Variants in ADGRD1 observed in about 807,000 individuals in gnomAD.
The protein encoded by ADGRD1 is G-protein coupled receptor 133.
ADGRD1 carries 77 observed loss-of-function variants against 113.4 expected under a neutral mutation model. The ratio of observed to expected loss-of-function variants is 0.68; its 90% CI spans 0.57 to 0.82. The LOEUF (loss-of-function observed/expected upper bound fraction) is 0.82. ADGRD1 is among the 40% of genes least tolerant of loss of function. The pLI is 0.00. For missense variants in ADGRD1, 1,036 were observed against 1,139.1 expected (o/e 0.91, Z 1.30); for synonymous variants, 474 against 475.0 (o/e 1.00, Z 0.03).
rs1366988847 is a variant in ADGRD1, at chr12:131,075,133, A to C, written c.1474-1668A>C. 1.3e-5 allele frequency among the ~76,000 whole-genome samples: 2 copies of C among 152,078 alleles called. No homozygotes were observed. The highest frequency in any genetic ancestry group is 4.8e-5 in the African/African-American group (2 of 41,414). On this transcript the variant is annotated intron_variant, in intron 13 of 24. Transcript: ENST00000261654. The surrounding 1 kb of genome is among the most constrained non-coding windows in gnomAD (Gnocchi z 5.3). ...GGCTGCTGGCTTCCCCAGGTCACCG[A>C]CTTATTTTTTAAATTTCCTTTAAAT...
intron 5 of ADGRD1, among the ~76,000 whole-genome samples, chr12:130,982,899 A>C (rs1011971059): frequency 6.6e-6 from 1 of 152,188 alleles, no homozygotes. Flanking sequence ...ACTGGAGCCC[A>C]ACAAGGGAAG....
intron 19 of ADGRD1, among the ~76,000 whole-genome samples, chr12:131,120,188 T>C (rs1386500754): frequency 2.0e-5 from 3 of 152,136 alleles, no homozygotes; most frequent in East Asian, 1.9e-4. Context: ...TTAAAGGCAC[T>C]CCAGGTCCTT....
intron 12 of ADGRD1, among the ~76,000 whole-genome samples, chr12:131,012,507 G>C (rs973227693): frequency 1.3e-5 from 2 of 152,154 alleles, no homozygotes; most frequent in Admixed American, 6.5e-5. Flanking sequence ...TCTCTATGGC[G>C]CCATCTTTGT....
intron 13 of ADGRD1, among the ~76,000 whole-genome samples, chr12:131,030,211 G>A (rs12815800): frequency 3.6e-5 from 4 of 109,902 alleles, no homozygotes; most frequent in Non-Finnish European, 7.0e-5. Flanking sequence ...TTGTGGACCC[G>A]TCGTAGGTGA....
chr12:130,997,849 A>G (rs1875799031), intron 8 of ADGRD1, among the ~76,000 whole-genome samples: 1 of 152,308 alleles, frequency 6.6e-6, no homozygotes, highest in Admixed American at 6.5e-5. Context: ...AGGCCAAGGC[A>G]GGCGGCTGGG....
At chr12:131,047,223 G>C (rs894049895) in intron 13 of ADGRD1, among the ~76,000 whole-genome samples, 1 of 152,274 alleles carries the variant, frequency 6.6e-6, no homozygotes, top group African/African-American at 2.4e-5. Flanking sequence ...ATTGAGGGCA[G>C]GGGCGAGTCC....
intron 2 of ADGRD1, among the ~76,000 whole-genome samples, chr12:130,958,873 G>A (rs1365958602): frequency 2.0e-5 from 3 of 152,246 alleles, no homozygotes; most frequent in Non-Finnish European, 4.4e-5. Context: ...TCATCCTTGC[G>A]AGAGCCCTGC....
chr12:130,986,420 G>A (rs1593298554), intron 5 of ADGRD1, among the ~76,000 whole-genome samples: 1 of 152,102 alleles, frequency 6.6e-6, no homozygotes, highest in East Asian at 1.9e-4. Context: ...AATGACAATG[G>A]TAATGTGTTT....
chr12:131,015,317 G>A (rs1248028941), intron 13 of ADGRD1, among the ~76,000 whole-genome samples: 5 of 152,210 alleles, frequency 3.3e-5, no homozygotes, highest in Admixed American at 1.3e-4. Context: ...TGGAGATGGA[G>A]AGGGGACTGG....
rs755095947 is a variant in ADGRD1, at chr12:131,136,042, C to T, written c.2273C>T (p.Thr758Ile). Residue 758 changes from threonine to isoleucine, a missense_variant, in exon 22 of 25, where the codon ACA (threonine) becomes ATA (isoleucine). Transcript: ENST00000261654. Reference sequence around the variant, plus strand: ...CTGTCACTGTTTCTCTCCAGGTTGACAGCCAAGGCAGTGGCCGTGCTGCTG... The same window carrying T: ...CTGTCACTGTTTCTCTCCAGGTTGATAGCCAAGGCAGTGGCCGTGCTGCTG... ...IHGDPSAFKL[T>I]AKAVAVLLPI... 3.4e-5 allele frequency: 55 copies of T among 1,613,962 alleles called. No homozygotes were observed. The highest frequency in any genetic ancestry group is 4.5e-5 in the Non-Finnish European group (53 of 1,179,952).
rs1884254771 is a variant in ADGRD1 at position 131,060,803 on chromosome 12, G to A, written c.1474-15998G>A. ...ATCACTTATGATCTCACTGCCTGGA[G>A]ATCCCATTGCCTGGATTCTCAGGCA... On this transcript the variant is annotated intron_variant, in intron 13 of 24. Transcript: ENST00000261654. The surrounding 1 kb of genome is among the most constrained non-coding windows in gnomAD (Gnocchi z 4.4). Among the ~76,000 whole-genome samples, 1 of 152,078 alleles carries A rather than the reference G, an allele frequency of 6.6e-6. No individual in the cohort carries two copies. Among genetic ancestry groups the A allele is most frequent in the South Asian group, 2.1e-4 (1 of 4,824 alleles).
At chr12:130,997,464 G>A (rs1248019203) in intron 8 of ADGRD1, among the ~76,000 whole-genome samples, 2 of 145,312 alleles carry the variant, frequency 1.4e-5, no homozygotes, top group African/African-American at 2.6e-5. Context: ...GTTGCCAGGC[G>A]GAGGGTCTCC....
intron 15 of ADGRD1, among the ~76,000 whole-genome samples, chr12:131,088,847 G>A (rs1361674359): frequency 6.6e-6 from 1 of 152,202 alleles, no homozygotes; most frequent in Non-Finnish European, 1.5e-5. Flanking sequence ...GACTGTTAGA[G>A]GTGTCGTCAG....
chr12:131,047,179 C>G (rs977209110), intron 13 of ADGRD1, among the ~76,000 whole-genome samples: 4 of 152,246 alleles, frequency 2.6e-5, no homozygotes, highest in Non-Finnish European at 5.9e-5. Context: ...AGTGTCTTCC[C>G]TGGTTTGTCT....
intron 18 of ADGRD1, among the ~76,000 whole-genome samples, chr12:131,111,257 T>G (rs966920920): frequency 3.3e-5 from 5 of 151,668 alleles, no homozygotes; most frequent in African/African-American, 4.8e-5. Context: ...CATGCCTGGC[T>G]AATTTTTGTA....
intron 15 of ADGRD1, among the ~76,000 whole-genome samples, chr12:131,086,370 G>C (rs1184925707): frequency 6.6e-6 from 1 of 152,178 alleles, no homozygotes; most frequent in Non-Finnish European, 1.5e-5. Flanking sequence ...GAGGGCCCAG[G>C]AATGCAGCCT....
At position 131,113,120 on chromosome 12, in the gene ADGRD1, T is replaced by C. The variant is rs1950381403; in HGVS notation, c.2041+4243T>C. Among the ~76,000 whole-genome samples, 1 of 152,180 alleles carries C rather than the reference T, an allele frequency of 6.6e-6. No homozygotes were observed. Among genetic ancestry groups the C allele is most frequent in the Non-Finnish European group, 1.5e-5 (1 of 68,026 alleles). On this transcript the variant is annotated intron_variant, in intron 18 of 24. Transcript: ENST00000261654. The surrounding 1 kb of genome is among the most constrained non-coding windows in gnomAD (Gnocchi z 4.9). ...GAGCAGAGCCTCTCTCACACCAAGC[T>C]GGGCAGGGAAGCAGGTTTTGGCTGA...
Position 131,099,143 on chromosome 12 carries a change from A to T in ADGRD1, c.1672-5688A>T, listed in dbSNP as rs114573875. On this transcript the variant is annotated intron_variant, in intron 15 of 24. Transcript: ENST00000261654. ...GATTCAGAATTAAACAAGACAGTCG[A>T]CCTGTCTTCATGGAACTTACCGTCA... Among the ~76,000 whole-genome samples the T allele has an allele frequency of 9.3e-3, 1,416 of 152,196 alleles. 18 individuals carry two copies. Among genetic ancestry groups the T allele is most frequent in the African/African-American group, 0.032 (1,346 of 41,496 alleles).
At chr12:131,011,365 TC>T (rs1323433694) in intron 12 of ADGRD1, among the ~76,000 whole-genome samples, 1 of 151,696 alleles carries the variant, frequency 6.6e-6, no homozygotes, top group Non-Finnish European at 1.5e-5. Context: ...CCAGATTTGC[TC>T]TCATATCATT....
Sources: gnomAD v4.1 joint callset for allele counts (sites outside exome capture counted in the v4.1 genomes callset) on GRCh38, gnomAD v4.1.1 for gene constraint, Gnocchi (gnomAD v3.1) non-coding constraint, MANE v1.5 for transcripts, NCBI Gene and HGNC (gene_info 2026-07-23, HGNC 2026-07-21) for gene names.